Variants in CEP85 observed in about 807,000 individuals in gnomAD.
CEP85 encodes centrosomal protein 85, also known as centrosomal protein of 85 kDa.
CEP85 carries 58 observed loss-of-function variants against 93.7 expected under a neutral mutation model. The ratio of observed to expected loss-of-function variants is 0.62; its 90% CI spans 0.50 to 0.77. The LOEUF is 0.77. Among genes scored for constraint, CEP85 ranks in the 30% least tolerant of loss-of-function variants. The pLI is 0.00. For synonymous variants in CEP85, 314 were observed against 338.6 expected (o/e 0.93, Z 0.80); for missense variants, 868 against 922.0 (o/e 0.94, Z 0.76).
At position 26,250,116 on chromosome 1, in the gene CEP85, A is replaced by G. The variant is rs568330457; in HGVS notation, c.209-5055A>G. 5.3e-5 allele frequency among the ~76,000 whole-genome samples: 8 copies of G among 152,188 alleles called. No homozygotes were observed. The South Asian group carries it at 1.7e-3, about 32-fold the overall frequency. On this transcript the variant is annotated intron_variant, in intron 3 of 13. Transcript: ENST00000451429. ...GGTCCCTTTGAAAATGAGTGTTGCT[A>G]TTTCATTTCAAAATATTCTAAACCA...
intron 7 of CEP85, among the ~76,000 whole-genome samples, chr1:26,260,174 C>G (rs529124757): frequency 6.6e-6 from 1 of 152,278 alleles, no homozygotes; most frequent in East Asian, 1.9e-4. Flanking sequence ...TCTGGTTTCT[C>G]ACCCTTCCTA....
intron 6 of CEP85, 126 bp downstream of exon 6, chr1:26,258,386 G>T (rs2089753930): frequency 1.5e-6 from 1 of 686,702 alleles, no homozygotes; most frequent in South Asian, 1.7e-5. Context: ...TGCCCTCAAA[G>T]AGGGCATACT....
intron 7 of CEP85, among the ~76,000 whole-genome samples, chr1:26,262,887 C>A (rs1055906864): frequency 7.2e-5 from 11 of 152,158 alleles, no homozygotes; most frequent in African/African-American, 2.7e-4. Context: ...TAGGCACATG[C>A]CACCACACTG....
rs1413758189 is a variant in CEP85 at position 26,255,566 on chromosome 1, C to A, written c.604C>A (p.His202Asn). The A allele has an allele frequency of 3.7e-6, 6 of 1,614,020 alleles. No homozygotes were observed. In the African/African-American group the frequency reaches 8.0e-5, roughly 22 times the overall value. The change falls in exon 4 of 14, where the codon CAC (histidine) becomes AAC (asparagine). Residue 202 changes from histidine to asparagine, a missense_variant. Physicochemically the swap from His to Asn is moderately conservative, Grantham distance 68. Coordinates refer to ENST00000451429, the MANE Select transcript of CEP85 (RefSeq NM_001319944.2). ...GATGGAGACACTTTATTCAGATCCT[C>A]ACCACCGAGTCCGCTTCCACAACCC... ...AMMETLYSDP[H>N]HRVRFHNPRT...
chr1:26,248,853 A>C (rs1412614150), intron 3 of CEP85, among the ~76,000 whole-genome samples: 1 of 142,546 alleles, frequency 7.0e-6, no homozygotes, highest in Non-Finnish European at 1.5e-5. Flanking sequence ...CAGCCTCCCA[A>C]GTAGCTGGTA....
intron 7 of CEP85, chr1:26,263,266 AT>A: frequency 2.9e-6 from 1 of 341,584 alleles, no homozygotes. Context: ...GGAAGTGCTC[AT>A]TTGCCCAGGT....
intron 1 of CEP85, among the ~76,000 whole-genome samples, 190 bp from the exon 2 acceptor site, chr1:26,239,572 G>T (rs1004301162): frequency 6.8e-6 from 1 of 147,074 alleles, no homozygotes; most frequent in African/African-American, 2.7e-5. Context: ...GGCTGGTCTC[G>T]AACTCCTGAC....
chr1:26,276,689 C>T lies in CEP85; in HGVS notation c.2057C>T (p.Ala686Val). The change falls in exon 13 of 14, where the codon GCT (alanine) becomes GTT (valine). Residue 686 changes from alanine to valine, a missense_variant. By Grantham distance (64) the Ala-to-Val change is moderately conservative. Transcript: ENST00000451429. ...GCCAGTTGCCTTCAAGATCTGCAGG[C>T]TGTCTGTAGCATTGTGACCCAGAGG... The part of the protein sequence containing the change: ...ELASCLQDLQ[A>V]VCSIVTQRAQ... 1.2e-6 allele frequency: 2 copies of T among 1,614,198 alleles called. No homozygotes were observed. The highest frequency in any genetic ancestry group is 1.7e-6 in the Non-Finnish European group (2 of 1,180,028).
chr1:26,274,450 C>G (rs1489063658), intron 11 of CEP85, among the ~76,000 whole-genome samples: 1 of 152,178 alleles, frequency 6.6e-6, no homozygotes, highest in Non-Finnish European at 1.5e-5. Flanking sequence ...GCATAGCCAA[C>G]TAGAATATTA....
chr1:26,249,598 C>T (rs956136494), intron 3 of CEP85, among the ~76,000 whole-genome samples: 2 of 152,150 alleles, frequency 1.3e-5, no homozygotes, highest in Non-Finnish European at 2.9e-5. Context: ...ATGCTTTCAG[C>T]TCTTTGCAAA....
chr1:26,257,808 G>A, intron 5 of CEP85, 78 bp downstream of exon 5: 1 of 1,504,826 alleles, frequency 6.6e-7, no homozygotes, highest in South Asian at 1.2e-5. Flanking sequence ...GTCTTCCCAA[G>A]GGCAAAGCAT....
intron 1 of CEP85, among the ~76,000 whole-genome samples, chr1:26,236,577 T>A (rs2089330062): frequency 6.6e-6 from 1 of 152,208 alleles, no homozygotes; most frequent in Non-Finnish European, 1.5e-5. Context: ...TGATTTATTT[T>A]GTATTGTTTT....
chr1:26,244,576 G>A (rs1224588727), intron 3 of CEP85, among the ~76,000 whole-genome samples: 1 of 152,098 alleles, frequency 6.6e-6, no homozygotes, highest in Non-Finnish European at 1.5e-5. Flanking sequence ...ACTCAGGTTG[G>A]AGTGCACTGG....
Position 26,255,235 on chromosome 1 carries a change from A to G in CEP85, c.273A>G (p.Thr91=). ...TCAAAAGCCACGTAACCATTCCAAC[A>G]GCCCATGTGATGCCTTCTACTTTAG... The part of the protein sequence containing the change: ...QPIKSHVTIP[T]AHVMPSTLGT... Residue 91 remains threonine, a synonymous_variant, in exon 4 of 14, where the codon ACA becomes ACG. Coordinates refer to ENST00000451429, the MANE Select transcript of CEP85 (RefSeq NM_001319944.2). 1 of 1,614,174 alleles carries G rather than the reference A, an allele frequency of 6.2e-7. No homozygotes were observed.
intron 1 of CEP85, among the ~76,000 whole-genome samples, chr1:26,237,373 C>G (rs570854656): frequency 1.3e-5 from 2 of 152,136 alleles, no homozygotes; most frequent in East Asian, 3.9e-4. Flanking sequence ...ATTCTCCTAC[C>G]CTCCCTCCTC....
rs115133994 is a variant in CEP85, at chr1:26,244,269, C to G, written c.159C>G (p.Ala53=). ...RSRFSRCSSV[A]DSGDTAIGTS... ...GCTTCAGCCGCTGTTCAAGTGTAGC[C>G]GACAGTGGGGACACAGCCATTGGTA... The change falls in exon 3 of 14, where the codon GCC becomes GCG. Residue 53 remains alanine, a synonymous_variant. Transcript: ENST00000451429. 8.1e-6 allele frequency: 13 copies of G among 1,613,772 alleles called. No individual in the cohort carries two copies. The African/African-American group carries it at 1.7e-4, about 22-fold the overall frequency.
intron 7 of CEP85, among the ~76,000 whole-genome samples, chr1:26,266,396 A>G (rs929315328): frequency 1.3e-5 from 2 of 152,188 alleles, no homozygotes; most frequent in African/African-American, 4.8e-5. Flanking sequence ...CAAAAAAATA[A>G]TAAATCTTTC....
chr1:26,242,867 ATAAATT>A (rs1328539762), intron 2 of CEP85, among the ~76,000 whole-genome samples: 2 of 152,198 alleles, frequency 1.3e-5, no homozygotes, highest in Non-Finnish European at 2.9e-5. Context: ...TTTTTAGAAA[ATAAATT>A]TAAGTCTTTG....
At chr1:26,237,060 G>A (rs1336123046) in intron 1 of CEP85, among the ~76,000 whole-genome samples, 1 of 152,134 alleles carries the variant, frequency 6.6e-6, no homozygotes, top group East Asian at 1.9e-4. Flanking sequence ...TTCCAGAAGG[G>A]AGGAGGGTAT....
Sources: allele counts gnomAD v4.1 joint callset (sites outside exome capture counted in the v4.1 genomes callset), GRCh38; gene constraint gnomAD v4.1.1; transcripts MANE v1.5; gene names NCBI Gene and HGNC (gene_info 2026-07-23, HGNC 2026-07-21).